TTC34: variants seen among roughly 807,000 people sequenced by gnomAD.
TTC34 encodes tetratricopeptide repeat protein 34.
In TTC34, 44 loss-of-function variants were observed where a neutral mutation model predicts 40.7. That is an observed-to-expected ratio of 1.08 (90% CI 0.85 to 1.39). The LOEUF is 1.39. Ranked by LOEUF, TTC34 falls within the 40% of genes most tolerant of loss-of-function variation. The pLI, the probability that TTC34 is intolerant of heterozygous loss-of-function variation, is 0.00. For missense variants in TTC34, 884 were observed against 838.0 expected (o/e 1.05, Z -0.68); for synonymous variants, 422 against 398.6 (o/e 1.06, Z -0.70).
At chr1:2,651,850 T>A (rs181500935) in intron 6 of TTC34, among the ~76,000 whole-genome samples, 10 of 151,266 alleles carry the variant, frequency 6.6e-5, no homozygotes, top group African/African-American at 2.4e-4. Flanking sequence ...ACCAATTAGG[T>A]GAGCCTCTGA....
At chr1:2,683,827 C>T (rs183381772) in intron 6 of TTC34, among the ~76,000 whole-genome samples, 87 of 147,200 alleles carry the variant, frequency 5.9e-4, no homozygotes, top group African/African-American at 8.7e-4. Context: ...GGGAACAGCA[C>T]CCACACCCCC....
At chr1:2,773,046 C>T (rs1252357553) in intron 6 of TTC34, among the ~76,000 whole-genome samples, 2 of 149,764 alleles carry the variant, frequency 1.3e-5, no homozygotes, top group Non-Finnish European at 3.0e-5. Flanking sequence ...CAGCCTGGAG[C>T]AGCACGCACA....
At chr1:2,688,459 A>G (rs1364264628) in intron 6 of TTC34, among the ~76,000 whole-genome samples, 3 of 132,488 alleles carry the variant, frequency 2.3e-5, no homozygotes, top group Middle Eastern at 5.1e-3. Context: ...CCCCTAGGTG[A>G]ACATCCGACA....
intron 6 of TTC34, among the ~76,000 whole-genome samples, chr1:2,687,079 C>T (rs867077153): frequency 2.8e-4 from 40 of 143,522 alleles, no homozygotes; most frequent in Admixed American, 6.1e-4. Context: ...GAGCAGGACC[C>T]ACACCCCCAG....
intron 2 of TTC34, among the ~76,000 whole-genome samples, chr1:2,792,954 G>A (rs1404461463): frequency 1.3e-5 from 2 of 152,198 alleles, no homozygotes; most frequent in Non-Finnish European, 2.9e-5. Flanking sequence ...CCTGCATGTG[G>A]TTACGAATCC....
exon 9 of TTC34, chr1:2,641,490 G>A (rs953109332): frequency 8.5e-6 from 13 of 1,535,636 alleles, no homozygotes; most frequent in Middle Eastern, 3.4e-4. Context: ...TCTGCGTGAC[G>A]CTGCTCCTCC....
intron 6 of TTC34, among the ~76,000 whole-genome samples, chr1:2,657,703 A>C (rs1480653659): frequency 1.5e-4 from 6 of 38,990 alleles, no homozygotes; most frequent in East Asian, 7.9e-4. Flanking sequence ...ACCCACACCA[A>C]CAGGCGAGCA....
At chr1:2,783,921 A>G in intron 5 of TTC34, 146 bp from the exon 6 acceptor site, 2 of 748,016 alleles carry the variant, frequency 2.7e-6, no homozygotes, top group Non-Finnish European at 4.0e-6. Flanking sequence ...ACCAAGACAG[A>G]CAGAGACAGG....
rs565901377 is a variant in TTC34, at chr1:2,685,860, C to T, written c.2227-40297G>A. The stretch of plus-strand genomic sequence containing the variant: ...CCATGCCCAGGTGAGCCTCTGACAG[C>T]CTGGAACAGCACCCTGCACCCCCAG... On this transcript the variant is annotated intron_variant, in intron 6 of 8. Transcript: ENST00000401095. Among the ~76,000 whole-genome samples, 333 of 149,300 alleles carry T rather than the reference C, an allele frequency of 2.2e-3. 1 individual carries two copies. The highest frequency in any genetic ancestry group is 0.013 in the East Asian group (65 of 5,042).
intron 6 of TTC34, chr1:2,775,551 CA>C (rs1557672564): frequency 6.7e-6 from 1 of 148,458 alleles, no homozygotes; most frequent in Non-Finnish European, 1.5e-5. Context: ...CTGCACCACA[CA>C]CCCCAAGGTG....
At chr1:2,789,511 C>G (rs1238751031) in exon 3 of TTC34, 2 of 1,504,692 alleles carry the variant, frequency 1.3e-6, no homozygotes, top group East Asian at 5.4e-5. Flanking sequence ...ACCCCTCCTG[C>G]GTGGTGGGGC....
chr1:2,750,964 C>G (rs1334356962), intron 6 of TTC34, among the ~76,000 whole-genome samples: 1 of 118,256 alleles, frequency 8.5e-6, no homozygotes, highest in Admixed American at 8.8e-5. Flanking sequence ...GCAGCACCCA[C>G]ACCCCCAGGT....
At chr1:2,699,726 A>G (rs1469623236) in intron 6 of TTC34, among the ~76,000 whole-genome samples, 4 of 44,108 alleles carry the variant, frequency 9.1e-5, no homozygotes, top group East Asian at 8.0e-4. Context: ...CTGGAGCAGC[A>G]CCCACACCCC....
intron 6 of TTC34, among the ~76,000 whole-genome samples, chr1:2,748,138 A>C (rs1246212878): frequency 2.3e-4 from 4 of 17,404 alleles, no homozygotes; most frequent in African/African-American, 5.9e-4. Flanking sequence ...GAGCATCTGA[A>C]CTCATGGAGC....
chr1:2,689,043 T>A (rs58318302), intron 6 of TTC34, among the ~76,000 whole-genome samples: 1 of 58 alleles, frequency 0.017, no homozygotes, highest in Admixed American at 0.25. Context: ...ACCCTGGAAC[T>A]GCACACACAC....
At chr1:2,690,755 C>G (rs1640581635) in intron 6 of TTC34, among the ~76,000 whole-genome samples, 1 of 82,768 alleles carries the variant, frequency 1.2e-5, no homozygotes, top group Non-Finnish European at 2.9e-5. Context: ...AGGTGAGCAT[C>G]TGACAGCCTG....
intron 6 of TTC34, chr1:2,773,876 A>C (rs1642768527): frequency 1.5e-5 from 2 of 135,884 alleles, no homozygotes; most frequent in Non-Finnish European, 3.1e-5. Flanking sequence ...TGAGGATCTG[A>C]CAACCTGGAA....
chr1:2,785,739 C>A, intron 5 of TTC34, 80 bp downstream of exon 5: 1 of 1,446,072 alleles, frequency 6.9e-7, no homozygotes, highest in South Asian at 1.4e-5. Flanking sequence ...GTGTCCCCAC[C>A]AACCAGCATG....
rs1570763526 is a variant in TTC34, at chr1:2,656,346, G to A, written c.2227-10783C>T. ...CAACAGCACTCACACCCCCAGGTGA[G>A]CATCTGACAGCCTGGAACAGCACCC... On this transcript the variant is annotated intron_variant, in intron 6 of 8. Transcript: ENST00000401095. 5.4e-5 allele frequency among the ~76,000 whole-genome samples: 8 copies of A among 149,452 alleles called. No homozygotes were observed. The East Asian group carries it at 1.2e-3, about 23-fold the overall frequency.
Sources: allele counts gnomAD v4.1 joint callset (sites outside exome capture counted in the v4.1 genomes callset), GRCh38; gene constraint gnomAD v4.1.1; transcripts MANE v1.5; gene names NCBI Gene and HGNC (gene_info 2026-07-23, HGNC 2026-07-21).